Variants in HERC4 observed in about 807,000 individuals in gnomAD.
HERC4 encodes HECT and RLD domain containing E3 ubiquitin protein ligase 4.
HERC4 carries 28 observed loss-of-function variants against 124.3 expected under a neutral mutation model. The observed-to-expected ratio is 0.23, with a 90% confidence interval of 0.17 to 0.31. HERC4 has a LOEUF of 0.31. HERC4 is among the 10% of genes least tolerant of loss of function. The pLI is 1.00. For missense variants in HERC4, 713 were observed against 1,229.3 expected, an observed-to-expected ratio of 0.58 and a Z score of 6.28; for synonymous variants, 407 against 421.5, an observed-to-expected ratio of 0.97 and a Z score of 0.42.
At chr10:67,975,340 G>C (rs1290909919) in intron 15 of HERC4, among the ~76,000 whole-genome samples, 1 of 152,054 alleles carries the variant, frequency 6.6e-6, no homozygotes, top group Non-Finnish European at 1.5e-5. Context: ...CTAAGGCTTA[G>C]CATTTAAGAA....
At position 67,966,748 on chromosome 10, in the gene HERC4, C is replaced by T. The variant is rs761421198; in HGVS notation, c.1861G>A (p.Val621Ile). The T allele has an allele frequency of 1.3e-6, 2 of 1,595,356 alleles. No homozygotes were observed. The highest frequency in any genetic ancestry group is 1.7e-6 in the Non-Finnish European group (2 of 1,166,074). ...IQYDKFYIHE[V>I]QELIDIRNDY... ...TTTCTTATGTCTATCAATTCTTGTA[C>T]TTCATGTATATAAAATTTATCATAC... is the stretch of plus-strand genomic sequence containing the variant. The change falls in exon 16 of 25, where the codon GTA becomes ATA. Residue 621 changes from valine to isoleucine, a missense_variant. Val to Ile is a conservative substitution (Grantham distance 29, BLOSUM62 3). Transcript: ENST00000373700.
chr10:67,975,467 A>C (rs910946434), intron 15 of HERC4, among the ~76,000 whole-genome samples: 8 of 152,024 alleles, frequency 5.3e-5, no homozygotes, highest in Admixed American at 2.0e-4. Context: ...CTCCTGCCTC[A>C]GCCTCCTAAG....
chr10:68,033,355 G>A (rs2133362377), intron 6 of HERC4, among the ~76,000 whole-genome samples: 1 of 152,094 alleles, frequency 6.6e-6, no homozygotes, highest in South Asian at 2.1e-4. Flanking sequence ...ATCATTACTA[G>A]TTGTTACTAG....
rs1437010491 is a variant in HERC4, at chr10:67,954,663, A to G, written c.2269T>C (p.Leu757=). ...AACATGCCGTATTTAGGATCCAATA[A>G]TTCCCTCATGATGAGCAAGAAAAAT... The part of the protein sequence containing the change: ...KEFFLLIMRE[L]LDPKYGMFRY... The change falls in exon 19 of 25, where the codon TTA becomes CTA. Residue 757 remains leucine, a synonymous_variant. Transcript: ENST00000373700. 1 of 1,613,748 alleles carries G rather than the reference A, an allele frequency of 6.2e-7. No individual in the cohort carries two copies.
At chr10:67,946,602 A>G (rs2033375233) in intron 19 of HERC4, among the ~76,000 whole-genome samples, 1 of 152,162 alleles carries the variant, frequency 6.6e-6, no homozygotes, top group South Asian at 2.1e-4. Flanking sequence ...CAATTAAGCA[A>G]GAAGATATAA....
chr10:67,983,786 C>CAAAA (rs61012367), intron 15 of HERC4, among the ~76,000 whole-genome samples: 25 of 100,078 alleles, frequency 2.5e-4, no homozygotes, highest in African/African-American at 5.3e-4. Flanking sequence ...GACTCTGTCT[C>CAAAA]AAAAAAAAAA....
At position 67,934,491 on chromosome 10, in the gene HERC4, C is replaced by CTGG. The variant is rs200620309; in HGVS notation, c.2654+1659_2654+1661dup. Among the ~76,000 whole-genome samples the CTGG allele has an allele frequency of 3.3e-3, 509 of 152,064 alleles. 2 individuals are homozygous for CTGG. Among genetic ancestry groups the CTGG allele is most frequent in the African/African-American group, 0.012 (481 of 41,486 alleles). ...GAAAGAATCTTTGCTTGTTTGAATCCTGGTGGTGGTGGTGGTTGTTTTTTT... is the reference window on the plus strand; with the variant it reads ...GAAAGAATCTTTGCTTGTTTGAATCCTGGTGGTGGTGGTGGTGGTTGTTTTTTT... On this transcript the variant is annotated intron_variant, in intron 22 of 24. Coordinates refer to ENST00000373700, the MANE Select transcript of HERC4 (RefSeq NM_015601.4).
intron 9 of HERC4, among the ~76,000 whole-genome samples, chr10:68,013,262 T>C (rs943091835): frequency 2.6e-5 from 4 of 152,252 alleles, no homozygotes; most frequent in Admixed American, 2.6e-4. Flanking sequence ...ATATAACTTT[T>C]ATATGCACTA....
intron 9 of HERC4, among the ~76,000 whole-genome samples, chr10:68,009,779 CCTG>C (rs1327352001): frequency 6.6e-6 from 1 of 152,110 alleles, no homozygotes. Context: ...CCTCTTAACC[CCTG>C]CTGCTGCTCT....
chr10:67,947,586 C>T (rs899680104), intron 19 of HERC4, among the ~76,000 whole-genome samples: 2 of 152,142 alleles, frequency 1.3e-5, no homozygotes, highest in African/African-American at 4.8e-5. Flanking sequence ...ACCTGAACTA[C>T]ATTATAAACC....
At chr10:68,000,678 A>C (rs924653294) in intron 9 of HERC4, among the ~76,000 whole-genome samples, 3 of 152,218 alleles carry the variant, frequency 2.0e-5, no homozygotes, top group African/African-American at 7.2e-5. Flanking sequence ...AGTTAAGGTC[A>C]TAATGGAGTA....
At chr10:68,021,722 C>T (rs1320251368) in intron 8 of HERC4, among the ~76,000 whole-genome samples, 2 of 152,050 alleles carry the variant, frequency 1.3e-5, no homozygotes, top group Non-Finnish European at 2.9e-5. Context: ...GCAGGAGAAT[C>T]GCCTGAACCC....
chr10:67,979,245 CA>C (rs2035783687), intron 15 of HERC4, among the ~76,000 whole-genome samples: 1 of 151,860 alleles, frequency 6.6e-6, no homozygotes, highest in Admixed American at 6.6e-5. Context: ...CAAGATAATA[CA>C]GAGAAAGAAT....
At chr10:68,018,013 T>C (rs574555480) in intron 8 of HERC4, among the ~76,000 whole-genome samples, 1 of 152,232 alleles carries the variant, frequency 6.6e-6, no homozygotes, top group African/African-American at 2.4e-5. Flanking sequence ...AAAACAAAGG[T>C]ACATTCCTCA....
chr10:68,067,173 A>G (rs2041341983), intron 3 of HERC4: 1 of 152,634 alleles, frequency 6.6e-6, no homozygotes, highest in Non-Finnish European at 1.5e-5. Flanking sequence ...GAAAGGAACC[A>G]TGAGTTATTG....
intron 16 of HERC4, chr10:67,960,631 C>T (rs1260113535): frequency 1.3e-5 from 2 of 158,864 alleles, no homozygotes; most frequent in African/African-American, 2.4e-5. Context: ...GATCTGCCCA[C>T]CTCAGCCTCC....
intron 7 of HERC4, among the ~76,000 whole-genome samples, chr10:68,029,758 T>TTA (rs2039099034): frequency 6.7e-6 from 1 of 150,044 alleles, no homozygotes; most frequent in African/African-American, 2.4e-5. Context: ...TTTTTTTTTT[T>TTA]GAGACAGAGT....
intron 3 of HERC4, among the ~76,000 whole-genome samples, chr10:68,059,067 T>C (rs764466837): frequency 2.7e-4 from 41 of 152,146 alleles, no homozygotes; most frequent in Non-Finnish European, 4.6e-4. Context: ...ACCCAAAATG[T>C]AGCTCTCTAT....
chr10:67,944,233 C>T (rs918174157), intron 19 of HERC4, among the ~76,000 whole-genome samples: 9 of 152,232 alleles, frequency 5.9e-5, no homozygotes, highest in Non-Finnish European at 1.5e-5. Flanking sequence ...ACCCCTCCCC[C>T]AGCTCCAGAG....
Sources: allele counts gnomAD v4.1 joint callset (sites outside exome capture counted in the v4.1 genomes callset), GRCh38; gene constraint gnomAD v4.1.1; transcripts MANE v1.5; gene names NCBI Gene and HGNC (gene_info 2026-07-23, HGNC 2026-07-21).